The following RBFOX1 variants were observed in gnomAD, a reference collection of about 807,000 sequenced individuals.
RBFOX1 encodes the protein RNA binding protein fox-1 homolog 1.
Under a neutral mutation model 57.7 loss-of-function variants are expected in RBFOX1, and 8 were observed. The ratio of observed to expected loss-of-function variants is 0.14; its 90% CI spans 0.08 to 0.25. RBFOX1 has a LOEUF of 0.25. RBFOX1 is among the 10% of genes least tolerant of loss of function. RBFOX1 has a pLI of 1.00. For synonymous variants in RBFOX1, 326 were observed against 222.4 expected (o/e 1.47, Z -4.15); for missense variants, 611 against 548.5 (o/e 1.11, Z -1.14).
intron 4 of RBFOX1, chr16:7,304,602 G>T (rs964802743): frequency 6.1e-6 from 6 of 984,344 alleles, no homozygotes; most frequent in African/African-American, 5.2e-5. Flanking sequence ...GGGCTCCCGC[G>T]TTGCGATGGA....
chr16:5,712,499 A>G (rs1409357425), intron 3 of RBFOX1, among the ~76,000 whole-genome samples: 4 of 152,234 alleles, frequency 2.6e-5, no homozygotes, highest in East Asian at 1.9e-4. Flanking sequence ...TCTCAAGAGC[A>G]GAGGGAAGAG....
chr16:7,612,204 C>G (rs1383882073), intron 10 of RBFOX1, among the ~76,000 whole-genome samples: 2 of 151,548 alleles, frequency 1.3e-5, no homozygotes, highest in African/African-American at 4.9e-5. Flanking sequence ...GCCTGTAGTC[C>G]CAGCTACTTG....
chr16:5,756,917 T>TG (rs764792085), intron 3 of RBFOX1, among the ~76,000 whole-genome samples: 1 of 152,162 alleles, frequency 6.6e-6, no homozygotes, highest in Non-Finnish European at 1.5e-5. Context: ...TTCTACAAGA[T>TG]GATGTAAAGG....
chr16:5,495,303 A>T (rs1233318268), intron 2 of RBFOX1, among the ~76,000 whole-genome samples: 3 of 152,244 alleles, frequency 2.0e-5, no homozygotes, highest in Non-Finnish European at 4.4e-5. Flanking sequence ...TAGAGTCTGC[A>T]GCGATTCTCG....
chr16:5,577,899 G>A (rs1199908818), intron 2 of RBFOX1, among the ~76,000 whole-genome samples: 1 of 152,198 alleles, frequency 6.6e-6, no homozygotes, highest in Non-Finnish European at 1.5e-5. Flanking sequence ...GAGCAGAGGG[G>A]ATGAGGCCAA....
At chr16:6,332,872 A>C (rs914865391) in intron 2 of RBFOX1, among the ~76,000 whole-genome samples, 1 of 152,206 alleles carries the variant, frequency 6.6e-6, no homozygotes. Context: ...GATGATGCCC[A>C]TCTCTTATGA....
At chr16:6,981,030 A>C (rs1274126974) in intron 3 of RBFOX1, among the ~76,000 whole-genome samples, 1 of 108,612 alleles carries the variant, frequency 9.2e-6, no homozygotes, top group Non-Finnish European at 1.8e-5. Flanking sequence ...GTGGCAGAGC[A>C]AGTCTCAGTC....
intron 2 of RBFOX1, among the ~76,000 whole-genome samples, chr16:5,554,155 G>T (rs2045579473): frequency 6.6e-6 from 1 of 151,852 alleles, no homozygotes; most frequent in South Asian, 2.1e-4. Flanking sequence ...ATTTTTAGTA[G>T]AGATGAGGTT....
chr16:7,504,722 TA>T (rs1425344587), intron 4 of RBFOX1, among the ~76,000 whole-genome samples: 16 of 5,412 alleles, frequency 3.0e-3, no homozygotes, highest in South Asian at 0.017. Context: ...TATATATATA[TA>T]TATATATATA....
intron 5 of RBFOX1, among the ~76,000 whole-genome samples, chr16:7,539,320 A>G (rs900563971): frequency 6.6e-6 from 1 of 152,156 alleles, no homozygotes; most frequent in African/African-American, 2.4e-5. Context: ...GCAAGAGAAG[A>G]CAGTGGGAGC....
intron 4 of RBFOX1, among the ~76,000 whole-genome samples, chr16:7,341,202 C>G (rs1452838228): frequency 6.6e-6 from 1 of 152,166 alleles, no homozygotes; most frequent in East Asian, 1.9e-4. Context: ...ACTTGATTCA[C>G]TGCTGAGCCC....
chr16:7,095,040 A>T (rs1010765291), intron 4 of RBFOX1, among the ~76,000 whole-genome samples: 2 of 152,022 alleles, frequency 1.3e-5, no homozygotes, highest in Non-Finnish European at 2.9e-5. Flanking sequence ...CAATTCTGTT[A>T]TTTGCAAATC....
chr16:6,893,444 T>C (rs769799154), intron 3 of RBFOX1, among the ~76,000 whole-genome samples: 1 of 152,196 alleles, frequency 6.6e-6, no homozygotes, highest in Non-Finnish European at 1.5e-5. Flanking sequence ...AAAAGATCTT[T>C]CTTTTAAACC....
intron 1 of RBFOX1, among the ~76,000 whole-genome samples, chr16:5,259,173 AG>A (rs1421754915): frequency 1.3e-5 from 2 of 150,244 alleles, no homozygotes; most frequent in Non-Finnish European, 3.0e-5. Context: ...GAATATTTAT[AG>A]GTTTCTTTTA....
intron 4 of RBFOX1, among the ~76,000 whole-genome samples, chr16:5,875,018 G>A (rs2057568384): frequency 1.3e-5 from 2 of 152,158 alleles, no homozygotes; most frequent in Non-Finnish European, 2.9e-5. Context: ...AAAATAAGCA[G>A]AGAGAAGAAA....
At chr16:7,299,523 G>T (rs2095980196) in intron 4 of RBFOX1, among the ~76,000 whole-genome samples, 1 of 152,202 alleles carries the variant, frequency 6.6e-6, no homozygotes, top group Non-Finnish European at 1.5e-5. Flanking sequence ...GCTGCTGAAT[G>T]GTTGGAATTG....
At chr16:6,586,025 A>C (rs954462120) in intron 2 of RBFOX1, among the ~76,000 whole-genome samples, 5 of 152,230 alleles carry the variant, frequency 3.3e-5, no homozygotes, top group Admixed American at 1.3e-4. Context: ...TATATACTGC[A>C]ATGTATAGAA....
intron 4 of RBFOX1, among the ~76,000 whole-genome samples, chr16:7,377,926 G>A (rs1361180510): frequency 6.6e-6 from 1 of 152,126 alleles, no homozygotes. Flanking sequence ...TTTTAAGGAG[G>A]TGATGTTTTA....
intron 4 of RBFOX1, among the ~76,000 whole-genome samples, chr16:7,244,247 CAAAAA>C (rs60054791): frequency 0.21 from 21,112 of 99,518 alleles, 3,011 homozygotes; most frequent in African/African-American, 0.43. Context: ...CAAAGTATTC[CAAAAA>C]AAAAAAAAAA....
Sources: allele counts gnomAD v4.1 joint callset (sites outside exome capture counted in the v4.1 genomes callset), GRCh38; gene constraint gnomAD v4.1.1; transcripts MANE v1.5; gene names NCBI Gene and HGNC (gene_info 2026-07-23, HGNC 2026-07-21).